The following IGHMBP2 variants were observed in gnomAD, a reference collection of about 807,000 sequenced individuals.
The protein encoded by IGHMBP2 is immunoglobulin mu DNA binding protein 2.
Under a neutral mutation model 96.0 loss-of-function variants are expected in IGHMBP2, and 81 were observed. That is an observed-to-expected ratio of 0.84 (90% CI 0.71 to 1.01). The LOEUF is 1.01. IGHMBP2 is among the 50% of genes least tolerant of loss of function. The probability of loss-of-function intolerance (pLI) is 0.00; values close to 1 mark genes in which losing one functional copy is unlikely to be tolerated. For missense variants in IGHMBP2, 1,227 were observed against 1,306.3 expected (o/e 0.94, Z 0.94); for synonymous variants, 557 against 548.9 (o/e 1.01, Z -0.21).
intron 14 of IGHMBP2, among the ~76,000 whole-genome samples, chr11:68,938,744 A>T (rs1167464760): frequency 6.6e-6 from 1 of 151,882 alleles, no homozygotes; most frequent in Non-Finnish European, 1.5e-5. Flanking sequence ...GCCGGGGTTG[A>T]TGAGAACCCC....
At chr11:68,904,215 C>T (rs1274629545) in intron 1 of IGHMBP2, among the ~76,000 whole-genome samples, 177 bp downstream of exon 1, 1 of 152,164 alleles carries the variant, frequency 6.6e-6, no homozygotes, top group Non-Finnish European at 1.5e-5. Context: ...AGTCTCATCA[C>T]TTCCTGGGCA....
chr11:68,934,120 C>A, intron 10 of IGHMBP2: 1 of 624,568 alleles, frequency 1.6e-6, no homozygotes, highest in East Asian at 2.8e-5. Context: ...ATGGGCCTGG[C>A]AGCATTTTAC....
At chr11:68,916,269 A>G (rs1270162958) in intron 6 of IGHMBP2, among the ~76,000 whole-genome samples, 2 of 152,114 alleles carry the variant, frequency 1.3e-5, no homozygotes, top group Non-Finnish European at 2.9e-5. Flanking sequence ...GAACATAAAC[A>G]TTGAAAAAAT....
Position 68,936,301 on chromosome 11 carries a change from C to A in IGHMBP2, c.1821C>A (p.His607Gln). ...INVAVTRARR[H>Q]VAVICDSRTV... is the part of the protein sequence containing the mutation. ...TGGCTGTCACCCGTGCCCGACGCCA[C>A]GTGGCGGTCATCTGTGACTCCCGTA... Residue 607 changes from histidine to glutamine, a missense_variant, in exon 13 of 15, where the codon CAC (histidine) becomes CAA (glutamine). His to Gln is a conservative substitution (Grantham distance 24). This residue lies in a region of IGHMBP2 where 703 missense variants were observed against 770.3 expected (regional missense o/e 0.91). Coordinates refer to ENST00000255078, the MANE Select transcript of IGHMBP2 (RefSeq NM_002180.3). 2 of 1,614,166 alleles carry A rather than the reference C, an allele frequency of 1.2e-6. No homozygotes were observed. The highest frequency in any genetic ancestry group is 1.7e-6 in the Non-Finnish European group (2 of 1,180,012).
At chr11:68,907,769 C>T (rs541671408) in intron 2 of IGHMBP2, among the ~76,000 whole-genome samples, 16 of 151,934 alleles carry the variant, frequency 1.1e-4, no homozygotes, top group African/African-American at 3.6e-4. Context: ...TCGCTCAGGC[C>T]GGAGTGCAGT....
chr11:68,908,544 G>A lies in IGHMBP2; in HGVS notation c.460G>A (p.Ala154Thr). The A allele has an allele frequency of 6.2e-7, 1 of 1,613,560 alleles. No individual in the cohort carries two copies. The highest frequency in any genetic ancestry group is 8.5e-7 in the Non-Finnish European group (1 of 1,179,532). Residue 154 changes from alanine to threonine, a missense_variant, in exon 4 of 15, where the codon GCT (alanine) becomes ACT (threonine). Ala to Thr is a moderately conservative substitution (Grantham distance 58, BLOSUM62 0). Transcript: ENST00000255078. ...TTTCTCCCTTGGCAGAGCCCTGATT[G>A]CTCTAAAGAAGTATCATTCTGGCCC... The part of the protein sequence containing the change: ...TYRRLKKALI[A>T]LKKYHSGPAS...
intron 1 of IGHMBP2, among the ~76,000 whole-genome samples, chr11:68,905,271 G>A (rs1594414255): frequency 6.6e-6 from 1 of 152,314 alleles, no homozygotes; most frequent in East Asian, 1.9e-4. Flanking sequence ...TTTTGATCAT[G>A]GCAATGGAGA....
chr11:68,906,267 T>C (rs1186108729), intron 2 of IGHMBP2, 29 bp downstream of exon 2: 7 of 1,610,042 alleles, frequency 4.3e-6, no homozygotes, highest in Non-Finnish European at 4.3e-6. Context: ...AGACAGACAT[T>C]GAAATTTACT....
chr11:68,917,888 G>T lies in IGHMBP2; in HGVS notation c.1060+5G>T. ...TGGTCCTTGCAACAAACACAGGTGA[G>T]GGGGCGTCTCCATCCTGCCTGTGTG... On this transcript the variant is annotated splice_donor_5th_base_variant and intron_variant, in intron 7 of 14. Coordinates refer to ENST00000255078, the MANE Select transcript of IGHMBP2 (RefSeq NM_002180.3). 6.2e-7 allele frequency: 1 copy of T among 1,613,802 alleles called. No individual in the cohort carries two copies. Among genetic ancestry groups the T allele is most frequent in the Non-Finnish European group, 8.5e-7 (1 of 1,179,882 alleles).
Position 68,936,295 on chromosome 11 carries a change from A to G in IGHMBP2, c.1815A>G (p.Arg605=). ...TCAACGTGGCTGTCACCCGTGCCCG[A>G]CGCCACGTGGCGGTCATCTGTGACT... ...RRINVAVTRA[R]RHVAVICDSR... is the part of the protein sequence containing the mutation. Residue 605 remains arginine, a synonymous_variant, in exon 13 of 15, where the codon CGA becomes CGG. Coordinates refer to ENST00000255078, the MANE Select transcript of IGHMBP2 (RefSeq NM_002180.3). The G allele has an allele frequency of 1.2e-6, 2 of 1,614,100 alleles. No homozygotes were observed.
At chr11:68,922,834 T>C (rs76080550) in intron 7 of IGHMBP2, among the ~76,000 whole-genome samples, 4,153 of 152,324 alleles carry the variant, frequency 0.027, 177 homozygotes, top group African/African-American at 0.092. Context: ...GCTGAACCTT[T>C]ATACTTGCTT....
At chr11:68,911,065 G>A (rs527525305) in intron 4 of IGHMBP2, among the ~76,000 whole-genome samples, 12 of 152,164 alleles carry the variant, frequency 7.9e-5, no homozygotes, top group African/African-American at 2.7e-4. Context: ...CTTCATTCCT[G>A]TTACTCTAGA....
In IGHMBP2 at chr11:68,936,412, C is replaced by T. The variant is rs769397483; in HGVS notation, c.1932C>T (p.Asp644=). 37 of 1,614,038 alleles carry T rather than the reference C, an allele frequency of 2.3e-5. No individual in the cohort carries two copies. The highest frequency in any genetic ancestry group is 6.7e-5 in the African/African-American group (5 of 74,928). The change falls in exon 13 of 15, where the codon GAC becomes GAT. Residue 644 remains aspartate (D), a synonymous_variant. Coordinates refer to ENST00000255078, the MANE Select transcript of IGHMBP2 (RefSeq NM_002180.3). The part of the protein sequence containing the change: ...GEVRTAFEYL[D]DIVPENYSHE... ...TACGCACGGCCTTTGAGTATCTTGA[C>T]GATATTGTCCCAGAAAACTATTCCC...
Position 68,914,995 on chromosome 11 carries a change from A to G in IGHMBP2, c.884A>G (p.Asp295Gly), listed in dbSNP as rs759987473. The G allele has an allele frequency of 3.1e-6, 5 of 1,614,086 alleles. No individual in the cohort carries two copies. Among genetic ancestry groups the G allele is most frequent in the East Asian group, 4.5e-5 (2 of 44,870 alleles). Residue 295 changes from aspartate to glycine, a missense_variant, in exon 6 of 15, where the codon GAT (aspartate) becomes GGT (glycine). Asp to Gly is a moderately conservative substitution (Grantham distance 94, BLOSUM62 -1). Around this residue, in one of 3 missense-constraint regions of IGHMBP2, gnomAD observed 507 missense variants for 496.9 expected, o/e 1.02. Transcript: ENST00000255078. ...ARSDSAQIVADIRKDIDQVFV... is the reference protein window; with the variant it reads ...ARSDSAQIVAGIRKDIDQVFV... Reference sequence around the variant, plus strand: ...AGCGACAGTGCCCAGATTGTTGCAGATATCAGGAAGGACATCGACCAGGTC... The same window carrying G: ...AGCGACAGTGCCCAGATTGTTGCAGGTATCAGGAAGGACATCGACCAGGTC...
chr11:68,906,465 G>C, intron 2 of IGHMBP2: 1 of 570,082 alleles, frequency 1.8e-6, no homozygotes, highest in Middle Eastern at 4.7e-4. Context: ...TTGAAGTGTG[G>C]CTTGTAATTG....
At position 68,940,195 on chromosome 11, in the gene IGHMBP2, A is replaced by G; in HGVS notation, c.*464A>G. Reference sequence around the variant, plus strand: ...GAGCAGGGAGTGGCGTTTGGCTTGCACGTTCCCATGTGGCCAGATGCTGGG... The same window carrying G: ...GAGCAGGGAGTGGCGTTTGGCTTGCGCGTTCCCATGTGGCCAGATGCTGGG... On this transcript the variant is annotated 3_prime_UTR_variant, in exon 15 of 15. Transcript: ENST00000255078. The G allele has an allele frequency of 5.7e-6, 1 of 175,086 alleles. No homozygotes were observed. Among genetic ancestry groups the G allele is most frequent in the South Asian group, 1.4e-4 (1 of 7,390 alleles). The allele number at this position is 175,086 out of a possible 1,614,324, so 10.8% of individuals were successfully genotyped here.
At chr11:68,926,504 C>T (rs1025593519) in intron 7 of IGHMBP2, 5 of 151,924 alleles carry the variant, frequency 3.3e-5, no homozygotes, top group South Asian at 2.1e-4. Flanking sequence ...CTCTTGACCT[C>T]ATGATCTGCC....
At chr11:68,931,426 G>GGCTGCA (rs1859293699) in intron 8 of IGHMBP2, among the ~76,000 whole-genome samples, 1 of 152,104 alleles carries the variant, frequency 6.6e-6, no homozygotes, top group South Asian at 2.1e-4. Flanking sequence ...CAGATCTGGC[G>GGCTGCA]GCTGCAGCTG....
chr11:68,908,522 C>T lies in IGHMBP2; in HGVS notation c.450-12C>T. 6.2e-7 allele frequency: 1 copy of T among 1,608,782 alleles called. No homozygotes were observed. Among genetic ancestry groups the T allele is most frequent in the African/African-American group, 1.3e-5 (1 of 74,918 alleles). On this transcript the variant is annotated splice_polypyrimidine_tract_variant and intron_variant, in intron 3 of 14. Coordinates refer to ENST00000255078, the MANE Select transcript of IGHMBP2 (RefSeq NM_002180.3). ...TTGCAGGTGTTCTAATTTTAGTTTT[C>T]TCCCTTGGCAGAGCCCTGATTGCTC...
Sources: allele counts gnomAD v4.1 joint callset (sites outside exome capture counted in the v4.1 genomes callset), GRCh38; gene constraint gnomAD v4.1.1; regional missense constraint gnomAD v4.1.1; transcripts MANE v1.5; gene names NCBI Gene and HGNC (gene_info 2026-07-23, HGNC 2026-07-21).